Variants in F8 observed in about 807,000 individuals in gnomAD.
F8 encodes the protein antihemophilic factor.
Under a neutral mutation model 140.6 loss-of-function variants are expected in F8, and 12 were observed. The ratio of observed to expected loss-of-function variants is 0.09; its 90% CI spans 0.05 to 0.14. The LOEUF (loss-of-function observed/expected upper bound fraction) is 0.14. Among genes scored for constraint, F8 ranks in the 10% least tolerant of loss-of-function variants. F8 has a pLI of 1.00. For synonymous variants in F8, 585 were observed against 614.6 expected, an observed-to-expected ratio of 0.95 and a Z score of 0.71; for missense variants, 1,354 against 1,720.7, an observed-to-expected ratio of 0.79 and a Z score of 3.77.
chrX:154,904,264 C>T, intron 17 of F8, 32 bp downstream of exon 17: 1 of 1,150,570 alleles, frequency 8.7e-7, no homozygotes, highest in Non-Finnish European at 1.2e-6. Context: ...CTGCATTTCA[C>T]AGTGATAATG....
chrX:154,968,990 C>A (rs1225790175), intron 7 of F8, among the ~76,000 whole-genome samples: 1 of 110,838 alleles, frequency 9.0e-6, no homozygotes, highest in Non-Finnish European at 1.9e-5. Flanking sequence ...CAGTTCCTCT[C>A]TCCATAATAT....
chrX:154,940,682 T>C (rs782599633), intron 13 of F8, among the ~76,000 whole-genome samples: 2 of 111,454 alleles, frequency 1.8e-5, no homozygotes, highest in South Asian at 7.6e-4. Flanking sequence ...AAGATACTCC[T>C]TGAGAAGAGC....
chrX:154,856,395 C>T (rs192164128), intron 25 of F8, among the ~76,000 whole-genome samples: 69 of 112,351 alleles, frequency 6.1e-4, no homozygotes, highest in Non-Finnish European at 1.1e-3. Flanking sequence ...ATGGGCAGCA[C>T]TCAACTGCCA....
rs781790266 is a variant in F8 at position 154,930,009 on chromosome X, C to T, written c.3781G>A (p.Gly1261Arg). ...TRQNVEGSYD[G>R]AYAPVLQDFR... is the part of the protein sequence containing the mutation. ...TCTTGAAGTACTGGAGCATATGCCC[C>T]GTCATATGAACCTTCTACATTTTGC... The change falls in exon 14 of 26, where the codon GGG (glycine) becomes AGG (arginine). Residue 1261 changes from glycine to arginine, a missense_variant. Physicochemically the swap from Gly to Arg is moderately radical, Grantham distance 125. This residue lies in a region of F8 where 658 missense variants were observed against 666.5 expected (regional missense o/e 0.99). Coordinates refer to ENST00000360256, the MANE Select transcript of F8 (RefSeq NM_000132.4). 2.2e-5 allele frequency: 27 copies of T among 1,206,604 alleles called. No homozygotes were observed. In the South Asian group the frequency reaches 2.3e-4, roughly 10 times the overall value.
intron 12 of F8, among the ~76,000 whole-genome samples, chrX:154,953,307 T>C (rs1032493818): frequency 8.9e-6 from 1 of 111,897 alleles, no homozygotes; most frequent in Non-Finnish European, 1.9e-5. Context: ...CGGTGGGCCC[T>C]AGCCCAACAA....
chrX:154,895,017 G>C (rs28452523), intron 22 of F8, among the ~76,000 whole-genome samples: 47,248 of 110,736 alleles, frequency 0.43, 9,733 homozygotes, highest in African/African-American at 0.81. Context: ...TGTTATGACA[G>C]CAAGTTTTGA....
intron 14 of F8, among the ~76,000 whole-genome samples, chrX:154,920,357 T>A (rs937819563): frequency 2.2e-4 from 24 of 111,523 alleles, no homozygotes; most frequent in African/African-American, 7.8e-4. Flanking sequence ...GTGGTTACTA[T>A]GAGGCTTACA....
chrX:154,930,996 A>G lies in F8; in HGVS notation c.2794T>C (p.Tyr932His). 8.4e-7 allele frequency: 1 copy of G among 1,194,118 alleles called. No individual in the cohort carries two copies. Among genetic ancestry groups the G allele is most frequent in the Non-Finnish European group, 1.1e-6 (1 of 887,293 alleles). ...AGAGTGGTATCTAATTGACTATCAT[A>G]ATGAACTGGCATACTTGGGGGTCCT... ...SLGPPSMPVHYDSQLDTTLFG... is the reference protein window; with the variant it reads ...SLGPPSMPVHHDSQLDTTLFG... The change falls in exon 14 of 26, where the codon TAT becomes CAT. Residue 932 changes from tyrosine (Y) to histidine (H), a missense_variant. Tyr to His is a moderately conservative substitution (Grantham distance 83, BLOSUM62 2). This residue lies in a region of F8 where 658 missense variants were observed against 666.5 expected (regional missense o/e 0.99). Transcript: ENST00000360256.
At position 154,930,951 on chromosome X, in the gene F8, G is replaced by A. The variant is rs142964288; in HGVS notation, c.2839C>T (p.Pro947Ser). The change falls in exon 14 of 26, where the codon CCC becomes TCC. Residue 947 changes from proline to serine, a missense_variant. Around this residue, in one of 4 missense-constraint regions of F8, gnomAD observed 658 missense variants for 666.5 expected, o/e 0.99. Transcript: ENST00000360256. ...DTTLFGKKSSPLTESGGPLSL... is the reference protein window; with the variant it reads ...DTTLFGKKSSSLTESGGPLSL... ...AGAGGTCCACCAGACTCAGTAAGGG[G>A]AGATGACTTTTTGCCAAATAGAGTG... 9 of 1,194,081 alleles carry A rather than the reference G, an allele frequency of 7.5e-6. No homozygotes were observed. In the African/African-American group the frequency reaches 1.6e-4, roughly 21 times the overall value.
In F8 at chrX:154,930,109, A is replaced by C. The variant is rs1557278602; in HGVS notation, c.3681T>G (p.Asn1227Lys). The C allele has an allele frequency of 1.7e-6, 2 of 1,209,373 alleles. No individual in the cohort carries two copies. The highest frequency in any genetic ancestry group is 3.5e-5 in the South Asian group (2 of 56,561). The part of the protein sequence containing the change: ...IEKKETLIQE[N>K]VVLPQIHTVT... ...CTGTATGTATCTGAGGCAAAACTAC[A>C]TTCTCTTGGATTAATGTTTCCTTCT... The change falls in exon 14 of 26, where the codon AAT becomes AAG. Residue 1227 changes from asparagine to lysine, a missense_variant. This residue lies in a region of F8 where 658 missense variants were observed against 666.5 expected (regional missense o/e 0.99). Transcript: ENST00000360256.
chrX:154,973,431 T>C (rs1384320210), intron 6 of F8, among the ~76,000 whole-genome samples: 2 of 112,711 alleles, frequency 1.8e-5, no homozygotes, highest in Non-Finnish European at 3.7e-5. Context: ...AATCTGTAGA[T>C]TGCTTTGGCT....
intron 13 of F8, among the ~76,000 whole-genome samples, chrX:154,940,345 G>A (rs185156435): frequency 8.4e-4 from 94 of 112,187 alleles, no homozygotes; most frequent in African/African-American, 3.0e-3. Context: ...TGAAAACCAC[G>A]GCACGAGAAC....
At chrX:154,910,900 G>A (rs2073063645) in intron 14 of F8, among the ~76,000 whole-genome samples, 1 of 111,151 alleles carries the variant, frequency 9.0e-6, no homozygotes, top group Non-Finnish European at 1.9e-5. Context: ...TGAGAAAAGA[G>A]AAAACCGCCT....
intron 6 of F8, among the ~76,000 whole-genome samples, chrX:154,981,131 C>A: frequency 9.0e-6 from 1 of 111,195 alleles, no homozygotes; most frequent in Non-Finnish European, 1.9e-5. Flanking sequence ...AACCGTGGGT[C>A]CATGGTGACT....
chrX:154,837,941 T>G (rs996309643), intron 25 of F8, among the ~76,000 whole-genome samples, 189 bp from the exon 26 acceptor site: 1 of 111,733 alleles, frequency 8.9e-6, no homozygotes, highest in Non-Finnish European at 1.9e-5. Context: ...AGGCCTTCAC[T>G]CTAGCTAGGC....
In F8 at chrX:154,976,198, T is replaced by A. The variant is rs929968645; in HGVS notation, c.788-6646A>T. On this transcript the variant is annotated intron_variant, in intron 6 of 25. Transcript: ENST00000360256. ...GCATGAGCCACCACGTCTGGCTGTT[T>A]GTCTCTTTTTATAGTTTTTGACTTG... 2.7e-5 allele frequency among the ~76,000 whole-genome samples: 3 copies of A among 112,207 alleles called. No homozygotes were observed. The Admixed American group carries it at 2.8e-4, about 11-fold the overall frequency.
intron 22 of F8, among the ~76,000 whole-genome samples, chrX:154,874,060 G>T (rs2072794507): frequency 8.9e-6 from 1 of 112,332 alleles, no homozygotes; most frequent in South Asian, 3.6e-4. Flanking sequence ...ACAACCTATG[G>T]AATGGATGAA....
chrX:154,893,375 T>C (rs1245925448), intron 22 of F8, among the ~76,000 whole-genome samples: 1 of 112,555 alleles, frequency 8.9e-6, no homozygotes, highest in Non-Finnish European at 1.9e-5. Context: ...GGTTTAACTT[T>C]TTGTTTGTTG....
chrX:154,949,806 C>T (rs1329200291), intron 12 of F8, among the ~76,000 whole-genome samples: 1 of 108,577 alleles, frequency 9.2e-6, no homozygotes, highest in Non-Finnish European at 1.9e-5. Context: ...CTCGGTCTGT[C>T]TGCCAGTCTG....
Sources: gnomAD v4.1 joint callset for allele counts (sites outside exome capture counted in the v4.1 genomes callset) on GRCh38, gnomAD v4.1.1 for gene constraint, gnomAD v4.1.1 regional missense constraint, MANE v1.5 for transcripts, NCBI Gene and HGNC (gene_info 2026-07-23, HGNC 2026-07-21) for gene names.